MED13L: variants seen among roughly 807,000 people sequenced by gnomAD.
MED13L encodes the protein mediator of RNA polymerase II transcription subunit 13-like.
Under a neutral mutation model 220.9 loss-of-function variants are expected in MED13L, and 7 were observed. That is an observed-to-expected ratio of 0.03 (90% confidence interval 0.02 to 0.06). The LOEUF is 0.06. Ranked by LOEUF, MED13L falls within the 10% of genes least tolerant of loss-of-function variation. The pLI is 1.00. For synonymous variants in MED13L, 1,011 were observed against 1,015.2 expected, an observed-to-expected ratio of 1.00 and a Z score of 0.08; for missense variants, 1,965 against 2,760.5, an observed-to-expected ratio of 0.71 and a Z score of 6.46.
Position 115,961,056 on chromosome 12 carries a change from T to C in MED13L, c.*210A>G. On this transcript the variant is annotated 3_prime_UTR_variant, in exon 31 of 31. Transcript: ENST00000281928. ...GGCTGAAAGTCACCACTTATGGAAG[T>C]TTCCAGGTCCATGAGAGAAGTGTCA... is the stretch of plus-strand genomic sequence containing the variant. 1.5e-6 allele frequency: 1 copy of C among 672,806 alleles called. No homozygotes were observed. The highest frequency in any genetic ancestry group is 2.5e-6 in the Non-Finnish European group (1 of 394,104). The allele number at this position is 672,806 out of a possible 1,614,324, so 41.7% of individuals were successfully genotyped here. A position where few individuals can be genotyped will look rare whatever the true frequency, so the allele number is the denominator to read the frequency against.
intron 1 of MED13L, among the ~76,000 whole-genome samples, chr12:116,250,799 AT>A (rs758814084): frequency 1.1e-3 from 157 of 146,416 alleles, no homozygotes; most frequent in African/African-American, 3.0e-3. Flanking sequence ...AAAAAAAAAA[AT>A]TTGTTTTCTC....
At chr12:116,044,480 T>C (rs890929995) in intron 4 of MED13L, among the ~76,000 whole-genome samples, 3 of 152,082 alleles carry the variant, frequency 2.0e-5, no homozygotes, top group African/African-American at 7.2e-5. Flanking sequence ...TCTGTGATAC[T>C]AGTGGGAAGA....
In MED13L at chr12:116,258,052, A is replaced by G. The variant is rs181867462; in HGVS notation, c.72+19008T>C. The stretch of plus-strand genomic sequence containing the variant: ...TGATTTCTACCTTAGCACTTGTACT[A>G]AATTATATGGTCTACACTGCTAATT... On this transcript the variant is annotated intron_variant, in intron 1 of 30. Transcript: ENST00000281928. Among the ~76,000 whole-genome samples the G allele has an allele frequency of 3.9e-5, 6 of 152,358 alleles. No homozygotes were observed. The East Asian group carries it at 9.6e-4, about 24-fold the overall frequency.
At chr12:116,036,922 T>C (rs1337443294) in intron 4 of MED13L, among the ~76,000 whole-genome samples, 1 of 152,200 alleles carries the variant, frequency 6.6e-6, no homozygotes. Flanking sequence ...CTTGATTAAA[T>C]TATTTTGTGA....
At chr12:116,101,019 G>A (rs1299707491) in intron 3 of MED13L, among the ~76,000 whole-genome samples, 2 of 152,188 alleles carry the variant, frequency 1.3e-5, no homozygotes, top group Non-Finnish European at 2.9e-5. Flanking sequence ...CACAGGGCTG[G>A]TCAACTACGA....
chr12:115,965,360 A>G (rs1876074330), intron 29 of MED13L, among the ~76,000 whole-genome samples: 1 of 152,160 alleles, frequency 6.6e-6, no homozygotes, highest in Admixed American at 6.6e-5. Context: ...CTGTTTTGGC[A>G]AAGAACCTTT....
chr12:116,138,881 G>C (rs1243049208), intron 2 of MED13L, among the ~76,000 whole-genome samples: 6 of 152,152 alleles, frequency 3.9e-5, no homozygotes, highest in Non-Finnish European at 7.3e-5. Flanking sequence ...TAAGATGAAA[G>C]GGAAGAAAAA....
At chr12:116,090,519 AT>A (rs1374615483) in intron 4 of MED13L, among the ~76,000 whole-genome samples, 1 of 152,214 alleles carries the variant, frequency 6.6e-6, no homozygotes, top group Non-Finnish European at 1.5e-5. Context: ...GAAAAAAAGA[AT>A]AAAAGATATG....
intron 2 of MED13L, among the ~76,000 whole-genome samples, chr12:116,113,077 T>C (rs888035440): frequency 5.3e-5 from 8 of 152,206 alleles, no homozygotes; most frequent in African/African-American, 1.4e-4. Context: ...TTATTATGCA[T>C]ACATAAAACA....
At chr12:116,200,714 A>G (rs1881958085) in intron 2 of MED13L, among the ~76,000 whole-genome samples, 1 of 152,170 alleles carries the variant, frequency 6.6e-6, no homozygotes, top group South Asian at 2.1e-4. Flanking sequence ...GACTTCAAAG[A>G]CTCACTGTGC....
At chr12:116,066,335 T>G (rs1198725975) in intron 4 of MED13L, among the ~76,000 whole-genome samples, 2 of 152,210 alleles carry the variant, frequency 1.3e-5, no homozygotes, top group Non-Finnish European at 1.5e-5. Flanking sequence ...GAAAACGACT[T>G]ACTTTCTATG....
chr12:116,071,520 G>A (rs1870368806), intron 4 of MED13L, among the ~76,000 whole-genome samples: 1 of 152,140 alleles, frequency 6.6e-6, no homozygotes, highest in African/African-American at 2.4e-5. Flanking sequence ...TCTGCCTACC[G>A]AATTCAAGTG....
At chr12:116,050,984 T>C (rs914548710) in intron 4 of MED13L, among the ~76,000 whole-genome samples, 1 of 151,998 alleles carries the variant, frequency 6.6e-6, no homozygotes, top group Admixed American at 6.6e-5. Context: ...TCTTCAAATA[T>C]AAGTGCTCAT....
intron 2 of MED13L, among the ~76,000 whole-genome samples, chr12:116,167,550 T>C (rs534631066): frequency 1.3e-5 from 2 of 152,348 alleles, no homozygotes; most frequent in Non-Finnish European, 2.9e-5. Context: ...CTTACAAGTA[T>C]TTATTTTATG....
At chr12:116,276,501 A>C (rs1487279533) in intron 1 of MED13L, 2 of 1,287,112 alleles carry the variant, frequency 1.6e-6, no homozygotes, top group Non-Finnish European at 2.0e-6. Context: ...GCGGCTGTCG[A>C]TGTTTACAAT....
intron 2 of MED13L, among the ~76,000 whole-genome samples, chr12:116,158,623 T>G (rs1361525442): frequency 6.6e-6 from 1 of 152,048 alleles, no homozygotes; most frequent in Non-Finnish European, 1.5e-5. Flanking sequence ...AGATTTAGTA[T>G]CTGCAAATAA....
intron 4 of MED13L, among the ~76,000 whole-genome samples, chr12:116,055,390 C>T (rs1198674080): frequency 6.6e-6 from 1 of 152,172 alleles, no homozygotes; most frequent in African/African-American, 2.4e-5. Context: ...ATAGGTGCAA[C>T]TCAGAAGAAA....
intron 1 of MED13L, among the ~76,000 whole-genome samples, chr12:116,274,635 G>A (rs986892563): frequency 2.6e-5 from 4 of 151,104 alleles, no homozygotes; most frequent in South Asian, 2.1e-4. Context: ...ATCTCAATTT[G>A]GAATCAGAAA....
At chr12:115,992,084 T>C in intron 16 of MED13L, 127 bp from the exon 17 acceptor site, 1 of 848,044 alleles carries the variant, frequency 1.2e-6, no homozygotes. Flanking sequence ...TGGGATACAC[T>C]GGTATATTTA....
Sources: gnomAD v4.1 joint callset for allele counts (sites outside exome capture counted in the v4.1 genomes callset) on GRCh38, gnomAD v4.1.1 for gene constraint, MANE v1.5 for transcripts, NCBI Gene and HGNC (gene_info 2026-07-23, HGNC 2026-07-21) for gene names.